KITLG: variants seen among roughly 807,000 people sequenced by gnomAD.
KITLG encodes the protein KIT ligand, also known as c-Kit ligand.
KITLG carries 13 observed loss-of-function variants against 34.1 expected under a neutral mutation model. The observed-to-expected ratio is 0.38, with a 90% CI of 0.25 to 0.61. The LOEUF (loss-of-function observed/expected upper bound fraction) is 0.61. Ranked by LOEUF, KITLG falls within the 20% of genes least tolerant of loss-of-function variation. The pLI, the probability that KITLG is intolerant of heterozygous loss-of-function variation, is 0.60. For missense variants in KITLG, 292 were observed against 318.9 expected (o/e 0.92, Z 0.64); for synonymous variants, 110 against 104.0 (o/e 1.06, Z -0.35).
chr12:88,557,451 G>C (rs1430562692), intron 1 of KITLG, among the ~76,000 whole-genome samples: 1 of 151,868 alleles, frequency 6.6e-6, no homozygotes, highest in East Asian at 1.9e-4. Context: ...CAAAGCAGAG[G>C]GGAAAAAAAT....
chr12:88,504,864 G>A (rs11104909), intron 9 of KITLG, among the ~76,000 whole-genome samples: 8 of 151,124 alleles, frequency 5.3e-5, no homozygotes, highest in Non-Finnish European at 8.8e-5. Context: ...GCAAACTATC[G>A]CAAGGACAGA....
chr12:88,571,085 A>C (rs2120984153), intron 1 of KITLG, among the ~76,000 whole-genome samples: 1 of 152,324 alleles, frequency 6.6e-6, no homozygotes, highest in East Asian at 1.9e-4. Context: ...TTAAGCTATT[A>C]GTCTCTAAGG....
intron 3 of KITLG, among the ~76,000 whole-genome samples, chr12:88,521,143 C>G (rs1414651508): frequency 1.3e-5 from 2 of 152,012 alleles, no homozygotes; most frequent in Non-Finnish European, 2.9e-5. Flanking sequence ...ATTCAAAGTT[C>G]TATTTTTCAG....
intron 9 of KITLG, among the ~76,000 whole-genome samples, chr12:88,503,176 A>G (rs1868931297): frequency 1.3e-5 from 2 of 152,216 alleles, no homozygotes; most frequent in Admixed American, 6.5e-5. Flanking sequence ...TGTGTAGAAT[A>G]AAGTATTACA....
At chr12:88,572,754 C>T (rs1011770762) in intron 1 of KITLG, among the ~76,000 whole-genome samples, 5 of 151,756 alleles carry the variant, frequency 3.3e-5, no homozygotes, top group Non-Finnish European at 7.4e-5. Flanking sequence ...ATGAATGTTG[C>T]CTAATCCCTT....
chr12:88,564,885 G>T (rs963667036), intron 1 of KITLG, among the ~76,000 whole-genome samples: 1 of 152,136 alleles, frequency 6.6e-6, no homozygotes, highest in African/African-American at 2.4e-5. Context: ...TTATTTTAGA[G>T]CACTGTATTG....
intron 2 of KITLG, among the ~76,000 whole-genome samples, chr12:88,539,112 C>A (rs1483310451): frequency 6.6e-6 from 1 of 152,096 alleles, no homozygotes; most frequent in Admixed American, 6.6e-5. Flanking sequence ...AACTCAAAGT[C>A]AGAACACTTA....
At chr12:88,560,840 C>T (rs1187884250) in intron 1 of KITLG, among the ~76,000 whole-genome samples, 1 of 151,684 alleles carries the variant, frequency 6.6e-6, no homozygotes, top group Non-Finnish European at 1.5e-5. Flanking sequence ...TGGTGGCATG[C>T]GCCTGTAGTC....
At position 88,526,163 on chromosome 12, in the gene KITLG, C is replaced by G. The variant is rs191940577; in HGVS notation, c.192+6278G>C. 2.4e-3 allele frequency among the ~76,000 whole-genome samples: 370 copies of G among 152,280 alleles called. 5 individuals are homozygous for G. The highest frequency in any genetic ancestry group is 8.4e-3 in the African/African-American group (349 of 41,564). On this transcript the variant is annotated intron_variant, in intron 3 of 9. Transcript: ENST00000644744. The stretch of plus-strand genomic sequence containing the variant: ...AGTCATGAACATTAGGTTCAGGAAT[C>G]TGGCTCTCAGCCTTTAGTAAATGGG...
chr12:88,569,978 A>G (rs749692286), intron 1 of KITLG, among the ~76,000 whole-genome samples: 10 of 152,220 alleles, frequency 6.6e-5, no homozygotes, highest in Non-Finnish European at 7.3e-5. Flanking sequence ...AGCCAGACAT[A>G]AACGACATTA....
chr12:88,532,465 T>C lies in KITLG; in HGVS notation c.168A>G (p.Lys56=), dbSNP rs778993442. Residue 56 remains lysine (K), a synonymous_variant, in exon 3 of 10, where the codon AAA becomes AAG. Transcript: ENST00000644744. ...CCAAAACATCCATCCCGGGGACATATTTGAGGGTTATCATGTAGTCTTTTG... is the reference window on the plus strand; with the variant it reads ...CCAAAACATCCATCCCGGGGACATACTTGAGGGTTATCATGTAGTCTTTTG... The part of the protein sequence containing the change: ...NLPKDYMITL[K]YVPGMDVLPS... 6.2e-7 allele frequency: 1 copy of C among 1,611,132 alleles called. No individual in the cohort carries two copies. The highest frequency in any genetic ancestry group is 8.5e-7 in the Non-Finnish European group (1 of 1,178,596).
Position 88,515,416 on chromosome 12 carries a change from A to G in KITLG, c.604+118T>C, listed in dbSNP as rs957647828. 782 of 673,402 alleles carry G rather than the reference A, an allele frequency of 1.2e-3. 8 individuals carry two copies. Among genetic ancestry groups the G allele is most frequent in the Non-Finnish European group, 2.4e-4 (89 of 373,494 alleles). The allele number at this position is 673,402 out of a possible 1,614,324, so 41.7% of individuals were successfully genotyped here. Reference sequence around the variant, plus strand: ...TCTCAAGAAGACCATAAAAGGAATAACAGTAACAGAACAGTATCAATAATA... The same window carrying G: ...TCTCAAGAAGACCATAAAAGGAATAGCAGTAACAGAACAGTATCAATAATA... On this transcript the variant is annotated intron_variant, in intron 6 of 9. Transcript: ENST00000644744.
At chr12:88,525,104 A>C (rs180992716) in intron 3 of KITLG, among the ~76,000 whole-genome samples, 1 of 152,290 alleles carries the variant, frequency 6.6e-6, no homozygotes, top group Non-Finnish European at 1.5e-5. Flanking sequence ...GAAATATGTA[A>C]ACCTGGCAGC....
At chr12:88,522,854 C>T (rs569375031) in intron 3 of KITLG, among the ~76,000 whole-genome samples, 1 of 152,284 alleles carries the variant, frequency 6.6e-6, no homozygotes, top group African/African-American at 2.4e-5. Flanking sequence ...TAGCTATTCA[C>T]AGAGAGATAT....
In KITLG at chr12:88,515,579, G is replaced by A. The variant is rs763134719; in HGVS notation, c.559C>T (p.Pro187Ser). The change falls in exon 6 of 10, where the codon CCT becomes TCT. Residue 187 changes from proline (P) to serine (S), a missense_variant. Transcript: ENST00000644744. Reference sequence around the variant, plus strand: ...TTCCTAAGGGAGCTGGCTGCAACAGGGGGTAACATAAATGGTTTTGTGACA... The same window carrying A: ...TTCCTAAGGGAGCTGGCTGCAACAGAGGGTAACATAAATGGTTTTGTGACA... ...VSVTKPFMLP[P>S]VAASSLRNDS... The A allele has an allele frequency of 6.2e-7, 1 of 1,611,026 alleles. No individual in the cohort carries two copies. Among genetic ancestry groups the A allele is most frequent in the Non-Finnish European group, 8.5e-7 (1 of 1,177,718 alleles).
At chr12:88,569,880 G>C (rs1353567575) in intron 1 of KITLG, among the ~76,000 whole-genome samples, 1 of 151,978 alleles carries the variant, frequency 6.6e-6, no homozygotes, top group Non-Finnish European at 1.5e-5. Context: ...TATTAATGCA[G>C]AAAATATTTT....
chr12:88,500,828 G>A (rs1265715865), intron 9 of KITLG, among the ~76,000 whole-genome samples: 1 of 152,120 alleles, frequency 6.6e-6, no homozygotes, highest in African/African-American at 2.4e-5. Context: ...CACCCAGGTT[G>A]GAATGCTGTG....
At chr12:88,516,877 T>C (rs986745305) in intron 4 of KITLG, among the ~76,000 whole-genome samples, 4 of 151,012 alleles carry the variant, frequency 2.6e-5, no homozygotes, top group Non-Finnish European at 5.9e-5. Flanking sequence ...ATGCATGCTC[T>C]AATATCCAAA....
At chr12:88,554,184 T>C (rs1441264218) in intron 1 of KITLG, among the ~76,000 whole-genome samples, 2 of 152,100 alleles carry the variant, frequency 1.3e-5, no homozygotes, top group Non-Finnish European at 2.9e-5. Flanking sequence ...GAAATTAAAA[T>C]GCATGCAGCC....
Sources: allele counts gnomAD v4.1 joint callset (sites outside exome capture counted in the v4.1 genomes callset), GRCh38; gene constraint gnomAD v4.1.1; transcripts MANE v1.5; gene names NCBI Gene and HGNC (gene_info 2026-07-23, HGNC 2026-07-21).